Variants in DENND1A observed in about 807,000 individuals in gnomAD.
DENND1A encodes DENN domain containing 1A.
Under a neutral mutation model 113.7 loss-of-function variants are expected in DENND1A, and 51 were observed. The observed-to-expected ratio is 0.45, with a 90% CI of 0.36 to 0.57. The LOEUF is 0.57. Among genes scored for constraint, DENND1A ranks in the 20% least tolerant of loss-of-function variants. The pLI is 0.00. For missense variants in DENND1A, 1,258 were observed against 1,395.9 expected, an observed-to-expected ratio of 0.90 and a Z score of 1.57; for synonymous variants, 565 against 570.8, an observed-to-expected ratio of 0.99 and a Z score of 0.14.
chr9:123,923,578 G>A (rs1856634483), intron 1 of DENND1A, among the ~76,000 whole-genome samples: 1 of 152,140 alleles, frequency 6.6e-6, no homozygotes, highest in Admixed American at 6.5e-5. Flanking sequence ...TTTGGCAATG[G>A]GATCCTTTAA....
At chr9:123,909,366 AC>A (rs1364779055) in intron 1 of DENND1A, among the ~76,000 whole-genome samples, 25 of 150,802 alleles carry the variant, frequency 1.7e-4, no homozygotes, top group Admixed American at 3.9e-4. Flanking sequence ...AATAAAAAAA[AC>A]AATAAAAAAA....
intron 3 of DENND1A, among the ~76,000 whole-genome samples, chr9:123,771,682 T>C (rs1829755885): frequency 6.6e-6 from 1 of 152,192 alleles, no homozygotes; most frequent in Non-Finnish European, 1.5e-5. Context: ...CCCAACTTAT[T>C]ACTCACTACA....
chr9:123,874,200 T>TA (rs3050143), intron 2 of DENND1A, among the ~76,000 whole-genome samples: 3,488 of 93,098 alleles, frequency 0.037, 62 homozygotes, highest in Middle Eastern at 0.063. Context: ...ATTTAAAAAG[T>TA]AAAAAAAAAA....
intron 2 of DENND1A, among the ~76,000 whole-genome samples, chr9:123,871,626 T>C (rs1846624633): frequency 6.6e-6 from 1 of 152,242 alleles, no homozygotes; most frequent in Non-Finnish European, 1.5e-5. Flanking sequence ...CAAAGATTTT[T>C]TTTTATGTTG....
chr9:123,423,244 T>C (rs2045448857), intron 19 of DENND1A, among the ~76,000 whole-genome samples: 1 of 152,134 alleles, frequency 6.6e-6, no homozygotes, highest in Non-Finnish European at 1.5e-5. Context: ...GTTACAGGGC[T>C]CCGGTAAGAG....
intron 2 of DENND1A, among the ~76,000 whole-genome samples, chr9:123,797,491 C>G (rs780003685): frequency 1.8e-4 from 28 of 152,070 alleles, no homozygotes; most frequent in Admixed American, 4.6e-4. Context: ...TCTTTTAATC[C>G]TCAAGAAGAA....
chr9:123,917,138 C>T (rs1855301365), intron 1 of DENND1A, among the ~76,000 whole-genome samples: 3 of 152,024 alleles, frequency 2.0e-5, no homozygotes, highest in Non-Finnish European at 4.4e-5. Flanking sequence ...GAGCCGAAAT[C>T]GTGCCACTGC....
At chr9:123,545,643 A>G (rs2056620231) in intron 13 of DENND1A, among the ~76,000 whole-genome samples, 1 of 151,774 alleles carries the variant, frequency 6.6e-6, no homozygotes, top group Non-Finnish European at 1.5e-5. Context: ...ATTTTTTTGT[A>G]TTTTTAGTAG....
intron 5 of DENND1A, among the ~76,000 whole-genome samples, chr9:123,693,384 CACAG>C (rs373584158): frequency 1.2e-4 from 19 of 152,174 alleles, no homozygotes; most frequent in Non-Finnish European, 1.8e-4. Flanking sequence ...GTGTAACAAC[CACAG>C]ACAATCAAGA....
intron 13 of DENND1A, among the ~76,000 whole-genome samples, chr9:123,515,884 C>A (rs1048223953): frequency 6.6e-6 from 1 of 151,784 alleles, no homozygotes; most frequent in African/African-American, 2.4e-5. Flanking sequence ...CTGGGCAACA[C>A]GGGGAAACCC....
chr9:123,773,659 C>T (rs1830051590), intron 3 of DENND1A, among the ~76,000 whole-genome samples: 1 of 152,144 alleles, frequency 6.6e-6, no homozygotes, highest in Non-Finnish European at 1.5e-5. Flanking sequence ...ATGTCAAATA[C>T]TTTGTTTTCA....
intron 2 of DENND1A, among the ~76,000 whole-genome samples, chr9:123,838,194 C>T (rs1186945987): frequency 1.3e-5 from 2 of 152,152 alleles, no homozygotes; most frequent in African/African-American, 4.8e-5. Flanking sequence ...TACTTACTAG[C>T]TGTATTACCT....
At chr9:123,728,442 A>T (rs1042902023) in intron 5 of DENND1A, among the ~76,000 whole-genome samples, 1 of 129,614 alleles carries the variant, frequency 7.7e-6, no homozygotes, top group Admixed American at 9.9e-5. Context: ...GTGCCATTGC[A>T]CTCCTGCCTG....
chr9:123,461,487 C>T (rs1588646407), intron 13 of DENND1A, among the ~76,000 whole-genome samples: 1 of 152,302 alleles, frequency 6.6e-6, no homozygotes, highest in Non-Finnish European at 1.5e-5. Context: ...CGATGCCAGG[C>T]AAGTGGCACC....
intron 13 of DENND1A, among the ~76,000 whole-genome samples, chr9:123,464,465 A>C (rs1308501780): frequency 6.6e-6 from 1 of 152,218 alleles, no homozygotes; most frequent in African/African-American, 2.4e-5. Flanking sequence ...CATTACGTGA[A>C]GTGAAATAAG....
At chr9:123,620,320 G>C (rs2060895907) in intron 10 of DENND1A, among the ~76,000 whole-genome samples, 1 of 151,874 alleles carries the variant, frequency 6.6e-6, no homozygotes, top group African/African-American at 2.4e-5. Flanking sequence ...CTTGGGTGCT[G>C]CTCAAGGAAA....
Position 123,929,973 on chromosome 9 carries a change from G to A in DENND1A, c.-68C>T. 3.8e-6 allele frequency: 1 copy of A among 259,880 alleles called. No individual in the cohort carries two copies. The highest frequency in any genetic ancestry group is 7.1e-6 in the Non-Finnish European group (1 of 141,686). The allele number at this position is 259,880 out of a possible 1,614,324, so 16.1% of individuals were successfully genotyped here. On this transcript the variant is annotated 5_prime_UTR_variant, in exon 1 of 24. Coordinates refer to ENST00000394215, the MANE Select transcript of DENND1A (RefSeq NM_001352964.2). ...CTGCGCTGCCCGCCCGCCCGCGGCC[G>A]ACCGGCCTCCCTCTGGCGCTCTCCC... is the stretch of plus-strand genomic sequence containing the variant.
chr9:123,918,215 G>A (rs534242938), intron 1 of DENND1A, among the ~76,000 whole-genome samples: 13 of 150,696 alleles, frequency 8.6e-5, no homozygotes, highest in South Asian at 2.1e-4. Flanking sequence ...CAGGCCGGGC[G>A]TGGTGGCTCA....
intron 18 of DENND1A, among the ~76,000 whole-genome samples, chr9:123,441,036 T>C (rs1361516195): frequency 6.6e-6 from 1 of 152,214 alleles, no homozygotes; most frequent in Admixed American, 6.5e-5. Flanking sequence ...ATGCCAGTGA[T>C]ATATACTGCA....
Sources: gnomAD v4.1 joint callset for allele counts (sites outside exome capture counted in the v4.1 genomes callset) on GRCh38, gnomAD v4.1.1 for gene constraint, MANE v1.5 for transcripts, NCBI Gene and HGNC (gene_info 2026-07-23, HGNC 2026-07-21) for gene names.